The following PDXK variants were observed in gnomAD, a reference collection of about 807,000 sequenced individuals.
PDXK encodes epididymis secretory sperm binding protein Li 1a.
A neutral mutation model predicts 43.2 loss-of-function variants in PDXK; 15 were observed. That is an observed-to-expected ratio of 0.35 (90% CI 0.23 to 0.53). The LOEUF is 0.53. PDXK is among the 20% of genes least tolerant of loss of function. The probability of loss-of-function intolerance (pLI) is 0.92; values close to 1 mark genes in which losing one functional copy is unlikely to be tolerated. For missense variants in PDXK, 343 were observed against 417.0 expected, an observed-to-expected ratio of 0.82 and a Z score of 1.54; for synonymous variants, 172 against 165.4, an observed-to-expected ratio of 1.04 and a Z score of -0.31.
chr21:43,719,443 C>A, intron 1 of PDXK, 62 bp downstream of exon 1: 2 of 1,442,418 alleles, frequency 1.4e-6, no homozygotes, highest in East Asian at 2.8e-5. Flanking sequence ...GCGGGGCTGC[C>A]CGAGACGAGC....
intron 1 of PDXK, among the ~76,000 whole-genome samples, chr21:43,726,634 C>T (rs2083256793): frequency 6.6e-6 from 1 of 152,172 alleles, no homozygotes; most frequent in Non-Finnish European, 1.5e-5. Flanking sequence ...TCTTGAACTC[C>T]TGACCTCAGG....
chr21:43,722,229 C>T (rs974933456), intron 1 of PDXK, among the ~76,000 whole-genome samples: 6 of 152,126 alleles, frequency 3.9e-5, no homozygotes, highest in African/African-American at 1.4e-4. Context: ...GGACTGTTTC[C>T]TCTTGGGTGT....
intron 2 of PDXK, chr21:43,741,136 C>CG: frequency 1.3e-5 from 1 of 77,754 alleles, no homozygotes; most frequent in African/African-American, 5.5e-5. Context: ...TAGTAACCAT[C>CG]CCTGACAGTG....
rs1237290618 is a variant in PDXK, at chr21:43,760,170, T to TGG, written c.*4108_*4109insGG. The TGG allele has an allele frequency of 4.2e-5, 6 of 144,234 alleles. No individual in the cohort carries two copies. Among genetic ancestry groups the TGG allele is most frequent in the Non-Finnish European group, 4.6e-5 (3 of 65,076 alleles). The allele number at this position is 144,234 out of a possible 1,614,324, so 8.9% of individuals were successfully genotyped here. ...AAGGAGGTGGGAATCTTGGATTTTT[T>TGG]GTTTTTTTTTGTTTTTTTTTTTTTG... On this transcript the variant is annotated 3_prime_UTR_variant, in exon 11 of 11. Transcript: ENST00000291565.
In PDXK at chr21:43,735,021, G is replaced by T. The variant is rs562475190; in HGVS notation, c.142+898G>T. On this transcript the variant is annotated intron_variant, in intron 2 of 10. Coordinates refer to ENST00000291565, the MANE Select transcript of PDXK (RefSeq NM_003681.5). The surrounding 1 kb of genome is among the most constrained non-coding windows in gnomAD (Gnocchi z 5.3). Reference sequence around the variant, plus strand: ...GAATGCTGTGGTTTCTTTTGAGGTGGGCATGACACGTGCTAAGTGAGAGGA... The same window carrying T: ...GAATGCTGTGGTTTCTTTTGAGGTGTGCATGACACGTGCTAAGTGAGAGGA... Among the ~76,000 whole-genome samples the T allele has an allele frequency of 6.6e-6, 1 of 152,328 alleles. No individual in the cohort carries two copies. The highest frequency in any genetic ancestry group is 2.4e-5 in the African/African-American group (1 of 41,572).
intron 1 of PDXK, among the ~76,000 whole-genome samples, chr21:43,724,341 T>C (rs2083232720): frequency 6.6e-6 from 1 of 152,150 alleles, no homozygotes; most frequent in Non-Finnish European, 1.5e-5. Flanking sequence ...AAAGTAGCTG[T>C]GGCAGAGGCC....
At chr21:43,720,010 G>T in intron 1 of PDXK, 1 of 815,004 alleles carries the variant, frequency 1.2e-6, no homozygotes, top group Non-Finnish European at 1.5e-6. Context: ...CATCCCTGCA[G>T]GTGTTTGCTC....
At chr21:43,731,906 A>G (rs2083323317) in intron 1 of PDXK, among the ~76,000 whole-genome samples, 1 of 152,212 alleles carries the variant, frequency 6.6e-6, no homozygotes, top group African/African-American at 2.4e-5. Context: ...ACCCTGGGAT[A>G]AGAGAATTGT....
rs756471932 is a variant in PDXK at position 43,734,130 on chromosome 21, C to T, written c.142+7C>T. ...CAGTTTTCAAACCACACAGGTAAGG[C>T]GTTGGCTCCAGCAGCTGGCATAGAG... On this transcript the variant is annotated splice_region_variant and intron_variant, in intron 2 of 10. Coordinates refer to ENST00000291565, the MANE Select transcript of PDXK (RefSeq NM_003681.5). The surrounding 1 kb of genome is among the most constrained non-coding windows in gnomAD (Gnocchi z 5.0). 1.2e-4 allele frequency: 186 copies of T among 1,613,326 alleles called. No homozygotes were observed. The highest frequency in any genetic ancestry group is 1.1e-4 in the Non-Finnish European group (130 of 1,179,410).
intron 1 of PDXK, among the ~76,000 whole-genome samples, chr21:43,730,751 C>T (rs1018229485): frequency 6.6e-5 from 10 of 152,034 alleles, no homozygotes; most frequent in Non-Finnish European, 1.5e-4. Context: ...CTTAGGAGTT[C>T]AGGACTAGCC....
intron 3 of PDXK, among the ~76,000 whole-genome samples, chr21:43,742,867 CAAAAT>C (rs2083561257): frequency 6.6e-6 from 1 of 152,048 alleles, no homozygotes; most frequent in African/African-American, 2.4e-5. Context: ...GACCCTGTCT[CAAAAT>C]AAATAAGATT....
intron 6 of PDXK, among the ~76,000 whole-genome samples, 182 bp downstream of exon 6, chr21:43,749,262 G>A (rs1601828155): frequency 2.0e-5 from 3 of 152,204 alleles, no homozygotes; most frequent in Middle Eastern, 6.8e-3. Context: ...GAGCCACCAC[G>A]CCCGGCTAAT....
chr21:43,725,563 A>C (rs1440105717), intron 1 of PDXK, among the ~76,000 whole-genome samples: 2 of 151,984 alleles, frequency 1.3e-5, no homozygotes, highest in African/African-American at 4.8e-5. Flanking sequence ...TAATCCCAGC[A>C]CTTTGGGAGG....
At chr21:43,728,923 C>A (rs1182095650) in intron 1 of PDXK, 22 of 985,394 alleles carry the variant, frequency 2.2e-5, no homozygotes, top group Non-Finnish European at 2.7e-5. Context: ...GGCCTGGACT[C>A]TGCTGGGATT....
intron 9 of PDXK, 87 bp downstream of exon 9, chr21:43,753,806 T>A: frequency 6.9e-7 from 1 of 1,439,336 alleles, no homozygotes; most frequent in Non-Finnish European, 9.4e-7. Context: ...GGGGGGTCCC[T>A]GCTGAGCTGA....
intron 1 of PDXK, among the ~76,000 whole-genome samples, chr21:43,724,599 T>C (rs1601779844): frequency 6.6e-6 from 1 of 151,446 alleles, no homozygotes; most frequent in South Asian, 2.1e-4. Flanking sequence ...CCCAGTACTT[T>C]AGGAGGCCGA....
At chr21:43,719,508 CT>C in intron 1 of PDXK, 127 bp downstream of exon 1, 9 of 1,325,628 alleles carry the variant, frequency 6.8e-6, no homozygotes, top group Non-Finnish European at 7.9e-6. Flanking sequence ...CGCGGGCGCC[CT>C]GGAGGCAGGC....
At chr21:43,719,500 C>T in intron 1 of PDXK, 119 bp downstream of exon 1, 4 of 1,322,022 alleles carry the variant, frequency 3.0e-6, no homozygotes, top group East Asian at 3.2e-5. Flanking sequence ...GAGCCTGGCG[C>T]GGGCGCCCTG....
intron 2 of PDXK, among the ~76,000 whole-genome samples, chr21:43,740,340 G>A (rs916682551): frequency 4.6e-5 from 7 of 152,274 alleles, no homozygotes; most frequent in Middle Eastern, 3.4e-3. Flanking sequence ...CTTAGCCACA[G>A]GGCATGGCGC....
Sources: gnomAD v4.1 joint callset for allele counts (sites outside exome capture counted in the v4.1 genomes callset) on GRCh38, gnomAD v4.1.1 for gene constraint, Gnocchi (gnomAD v3.1) non-coding constraint, MANE v1.5 for transcripts, NCBI Gene and HGNC (gene_info 2026-07-23, HGNC 2026-07-21) for gene names.